Variants in DPF3 observed in about 807,000 individuals in gnomAD.
DPF3 encodes double PHD fingers 3.
In DPF3, 18 loss-of-function variants were observed where a neutral mutation model predicts 56.8. That is an observed-to-expected ratio of 0.32 (90% CI 0.22 to 0.47). The LOEUF is 0.47. DPF3 is among the 20% of genes least tolerant of loss of function. DPF3 has a pLI of 1.00. For synonymous variants in DPF3, 188 were observed against 180.2 expected, an observed-to-expected ratio of 1.04 and a Z score of -0.35; for missense variants, 403 against 488.8, an observed-to-expected ratio of 0.82 and a Z score of 1.65.
chr14:72,715,021 C>T (rs1363539097), intron 5 of DPF3, among the ~76,000 whole-genome samples: 1 of 152,188 alleles, frequency 6.6e-6, no homozygotes, highest in Non-Finnish European at 1.5e-5. Flanking sequence ...TCCATCCCCG[C>T]AGTGTCGCAA....
chr14:72,618,022 G>A lies in DPF3; in HGVS notation c.*1275C>T, dbSNP rs1421106801. Among the ~76,000 whole-genome samples, 1 of 151,936 alleles carries A rather than the reference G, an allele frequency of 6.6e-6. No individual in the cohort carries two copies. The highest frequency in any genetic ancestry group is 2.4e-5 in the African/African-American group (1 of 41,366). Reference sequence around the variant, plus strand: ...CTATCTTCCAACACACAGAGTTCTCGGAAGCTCAGCCTCCCCACCTCTTTC... The same window carrying A: ...CTATCTTCCAACACACAGAGTTCTCAGAAGCTCAGCCTCCCCACCTCTTTC... On this transcript the variant is annotated 3_prime_UTR_variant, in exon 11 of 11. Transcript: ENST00000556509.
At chr14:72,688,194 G>GGATGGA (rs1567200724) in intron 7 of DPF3, among the ~76,000 whole-genome samples, 9 of 104,658 alleles carry the variant, frequency 8.6e-5, no homozygotes, top group African/African-American at 2.3e-4. Flanking sequence ...GGATGGATGG[G>GGATGGA]TGGGTGGGTG....
intron 1 of DPF3, among the ~76,000 whole-genome samples, chr14:72,799,596 C>T (rs1182502262): frequency 6.6e-6 from 1 of 152,038 alleles, no homozygotes; most frequent in African/African-American, 2.4e-5. Flanking sequence ...GCCACGATTG[C>T]ACCACAGCAC....
chr14:72,688,831 G>A (rs1280612229), intron 7 of DPF3, among the ~76,000 whole-genome samples: 2 of 152,166 alleles, frequency 1.3e-5, no homozygotes, highest in Admixed American at 6.5e-5. Flanking sequence ...GGAGAGGGTG[G>A]GATGCAGCCC....
chr14:72,669,535 C>T (rs968168557), intron 8 of DPF3, among the ~76,000 whole-genome samples: 1 of 152,176 alleles, frequency 6.6e-6, no homozygotes, highest in Non-Finnish European at 1.5e-5. Flanking sequence ...ACATGCAGTG[C>T]CCTGTGGCCA....
At chr14:72,773,011 G>A (rs1190624062) in intron 1 of DPF3, among the ~76,000 whole-genome samples, 1 of 151,906 alleles carries the variant, frequency 6.6e-6, no homozygotes, top group African/African-American at 2.4e-5. Flanking sequence ...ATATCTTTTT[G>A]TTTTGGTTCT....
intron 8 of DPF3, among the ~76,000 whole-genome samples, chr14:72,636,227 T>C (rs1885379699): frequency 6.6e-6 from 1 of 152,162 alleles, no homozygotes; most frequent in South Asian, 2.1e-4. Context: ...TTCAAATAGT[T>C]CTCTATATTC....
At chr14:72,714,019 T>C (rs989367196) in intron 6 of DPF3, among the ~76,000 whole-genome samples, 2 of 152,226 alleles carry the variant, frequency 1.3e-5, no homozygotes, top group African/African-American at 2.4e-5. Flanking sequence ...TGAAAAGCCA[T>C]GGCGAGCCAA....
At chr14:72,854,668 G>A (rs190195387) in intron 1 of DPF3, among the ~76,000 whole-genome samples, 3 of 152,294 alleles carry the variant, frequency 2.0e-5, no homozygotes, top group Admixed American at 2.0e-4. Context: ...CTTGGAATTC[G>A]AAAGGAGTGA....
chr14:72,817,611 G>A (rs1443391776), intron 1 of DPF3, among the ~76,000 whole-genome samples: 2 of 152,250 alleles, frequency 1.3e-5, no homozygotes, highest in East Asian at 3.9e-4. Context: ...CCAGCAGATG[G>A]ATGTTTCAGT....
At chr14:72,655,871 T>C (rs1189164668) in intron 8 of DPF3, among the ~76,000 whole-genome samples, 1 of 152,184 alleles carries the variant, frequency 6.6e-6, no homozygotes, top group Non-Finnish European at 1.5e-5. Flanking sequence ...CAGAACTAAA[T>C]GGGGACCCCA....
At chr14:72,824,555 T>TTTG (rs1883702375) in intron 1 of DPF3, among the ~76,000 whole-genome samples, 1 of 151,544 alleles carries the variant, frequency 6.6e-6, no homozygotes, top group Admixed American at 6.6e-5. Flanking sequence ...CTTTTTCTTT[T>TTTG]TTTTTTTTTG....
chr14:72,754,561 C>T (rs1026702842), intron 2 of DPF3, among the ~76,000 whole-genome samples: 8 of 152,162 alleles, frequency 5.3e-5, no homozygotes, highest in Admixed American at 3.3e-4. Context: ...AGCTGTTGGA[C>T]GCAGGCGGCC....
intron 2 of DPF3, among the ~76,000 whole-genome samples, chr14:72,764,029 C>T (rs927672591): frequency 1.3e-5 from 2 of 152,034 alleles, no homozygotes; most frequent in African/African-American, 4.8e-5. Flanking sequence ...TTCCTAAAAC[C>T]CCTGGCATCT....
At chr14:72,884,971 T>TATATATATATATATACATATA (rs10523148) in intron 1 of DPF3, among the ~76,000 whole-genome samples, 2 of 111,682 alleles carry the variant, frequency 1.8e-5, no homozygotes, top group Non-Finnish European at 3.7e-5. Flanking sequence ...TATATATATA[T>TATATATATATATATACATATA]TAGCCGGGCG....
chr14:72,829,232 TC>T (rs1450263657), intron 1 of DPF3, among the ~76,000 whole-genome samples: 1 of 152,176 alleles, frequency 6.6e-6, no homozygotes, highest in African/African-American at 2.4e-5. Context: ...AGGGCAAAAT[TC>T]CTTTTGACCT....
chr14:72,753,187 C>A (rs1890650138), intron 3 of DPF3, 77 bp downstream of exon 3: 1 of 1,413,450 alleles, frequency 7.1e-7, no homozygotes, highest in Non-Finnish European at 9.7e-7. Flanking sequence ...AAGGAGCAAA[C>A]CAACCTTGTC....
intron 1 of DPF3, among the ~76,000 whole-genome samples, chr14:72,869,186 C>T (rs1193132107): frequency 6.6e-6 from 1 of 152,192 alleles, no homozygotes; most frequent in Non-Finnish European, 1.5e-5. Flanking sequence ...TCCCTCAATG[C>T]CCTAGACCAG....
chr14:72,841,766 C>T (rs1235224138), intron 1 of DPF3, among the ~76,000 whole-genome samples: 2 of 152,016 alleles, frequency 1.3e-5, no homozygotes, highest in East Asian at 1.9e-4. Context: ...CAACAGAGTT[C>T]GTGTCATGAT....
Sources: allele counts gnomAD v4.1 joint callset (sites outside exome capture counted in the v4.1 genomes callset), GRCh38; gene constraint gnomAD v4.1.1; transcripts MANE v1.5; gene names NCBI Gene and HGNC (gene_info 2026-07-23, HGNC 2026-07-21).